Variants in ARHGAP24 observed in about 807,000 individuals in gnomAD.
The protein encoded by ARHGAP24 is Rho GTPase activating protein 24.
ARHGAP24 carries 50 observed loss-of-function variants against 76.4 expected under a neutral mutation model. The observed-to-expected ratio is 0.65, with a 90% CI of 0.52 to 0.83. The LOEUF (loss-of-function observed/expected upper bound fraction) is 0.83, where lower values mean the gene tolerates loss of function less well. Among genes scored for constraint, ARHGAP24 ranks in the 40% least tolerant of loss-of-function variants. The pLI is 0.00. For missense variants in ARHGAP24, 930 were observed against 914.2 expected (o/e 1.02, Z -0.22); for synonymous variants, 345 against 323.3 (o/e 1.07, Z -0.72).
chr4:85,786,621 T>C lies in ARHGAP24; in HGVS notation c.268+64649T>C, dbSNP rs372367154. Among the ~76,000 whole-genome samples, 36 of 152,248 alleles carry C rather than the reference T, an allele frequency of 2.4e-4. No homozygotes were observed. The East Asian group carries it at 5.8e-3, about 24-fold the overall frequency. ...TATTAACATGATATTGTGGCAGTTT[T>C]ATAATATGAAGTACTGTATCTCTTA... On this transcript the variant is annotated intron_variant, in intron 3 of 9. Coordinates refer to ENST00000395184, the MANE Select transcript of ARHGAP24 (RefSeq NM_001025616.3).
At chr4:85,548,063 T>C (rs899801048) in intron 1 of ARHGAP24, among the ~76,000 whole-genome samples, 3 of 136,218 alleles carry the variant, frequency 2.2e-5, no homozygotes, top group African/African-American at 7.4e-5. Flanking sequence ...CGTAAATATT[T>C]AAATACTATT....
intron 2 of ARHGAP24, among the ~76,000 whole-genome samples, chr4:85,698,742 G>A (rs1271563411): frequency 6.6e-6 from 1 of 152,166 alleles, no homozygotes; most frequent in Non-Finnish European, 1.5e-5. Context: ...GTCCTCCCAT[G>A]ACAAAGAGCG....
intron 3 of ARHGAP24, among the ~76,000 whole-genome samples, chr4:85,784,931 CT>C (rs796901355): frequency 1.7e-3 from 258 of 151,342 alleles, no homozygotes; most frequent in African/African-American, 5.9e-3. Context: ...ATCTATCTAT[CT>C]ATCTATCTAT....
At chr4:85,638,167 T>G (rs1185419459) in intron 2 of ARHGAP24, among the ~76,000 whole-genome samples, 1 of 152,164 alleles carries the variant, frequency 6.6e-6, no homozygotes, top group Non-Finnish European at 1.5e-5. Context: ...CAGCCCTGAT[T>G]TAAGAACTGC....
chr4:85,539,594 T>C (rs1430923179), intron 1 of ARHGAP24, among the ~76,000 whole-genome samples: 1 of 152,208 alleles, frequency 6.6e-6, no homozygotes, highest in Non-Finnish European at 1.5e-5. Flanking sequence ...TAGGCTTTTC[T>C]AGGCTAAATT....
intron 2 of ARHGAP24, among the ~76,000 whole-genome samples, chr4:85,584,483 C>G (rs935290155): frequency 6.6e-6 from 1 of 151,312 alleles, no homozygotes. Context: ...GGAGATATAC[C>G]TAATGCTAAA....
intron 2 of ARHGAP24, among the ~76,000 whole-genome samples, chr4:85,625,735 C>T (rs1044097144): frequency 2.0e-5 from 3 of 152,128 alleles, no homozygotes; most frequent in African/African-American, 7.2e-5. Context: ...TAAGGACTTG[C>T]TTTATGAATC....
chr4:85,624,297 C>T (rs375819879), intron 2 of ARHGAP24, among the ~76,000 whole-genome samples: 76 of 151,980 alleles, frequency 5.0e-4, no homozygotes, highest in Admixed American at 1.5e-3. Context: ...TAGCATGAAG[C>T]GTTGTTGAAT....
chr4:85,629,940 T>C (rs1268883046), intron 2 of ARHGAP24, among the ~76,000 whole-genome samples: 5 of 152,122 alleles, frequency 3.3e-5, no homozygotes, highest in Non-Finnish European at 7.4e-5. Flanking sequence ...ACCCCTTTTC[T>C]TTCTCTGCTT....
At chr4:85,753,790 G>A (rs1429058585) in intron 3 of ARHGAP24, among the ~76,000 whole-genome samples, 1 of 152,040 alleles carries the variant, frequency 6.6e-6, no homozygotes, top group African/African-American at 2.4e-5. Flanking sequence ...TATCATAATT[G>A]TGCATATTTT....
chr4:85,730,327 T>C (rs1393033365), intron 3 of ARHGAP24, among the ~76,000 whole-genome samples: 1 of 152,230 alleles, frequency 6.6e-6, no homozygotes, highest in Non-Finnish European at 1.5e-5. Flanking sequence ...ACAAATATTC[T>C]GAGATTGAAG....
chr4:85,539,895 A>C (rs1345353411), intron 1 of ARHGAP24, among the ~76,000 whole-genome samples: 2 of 152,110 alleles, frequency 1.3e-5, no homozygotes, highest in Non-Finnish European at 2.9e-5. Flanking sequence ...CTCTACAAAA[A>C]TTAGCTGGGT....
intron 2 of ARHGAP24, among the ~76,000 whole-genome samples, chr4:85,572,860 A>ATTCTTTTTTCT (rs1311934414): frequency 6.9e-6 from 1 of 145,746 alleles, no homozygotes; most frequent in Non-Finnish European, 1.5e-5. Flanking sequence ...AAATAACTTT[A>ATTCTTTTTTCT]TTCTTTTTTC....
chr4:85,537,258 C>G (rs10516751), intron 1 of ARHGAP24, among the ~76,000 whole-genome samples: 18,770 of 152,046 alleles, frequency 0.12, 3,263 homozygotes, highest in African/African-American at 0.39. Flanking sequence ...CCATCTGGTT[C>G]GTAAGATAAG....
chr4:85,784,935 CT>C (rs1336457340), intron 3 of ARHGAP24, among the ~76,000 whole-genome samples: 14 of 150,984 alleles, frequency 9.3e-5, no homozygotes, highest in African/African-American at 3.4e-4. Flanking sequence ...ATCTATCTAT[CT>C]ATCTATCTAT....
chr4:85,687,461 T>G (rs971011468), intron 2 of ARHGAP24, among the ~76,000 whole-genome samples: 1 of 152,180 alleles, frequency 6.6e-6, no homozygotes, highest in Non-Finnish European at 1.5e-5. Flanking sequence ...TGTCTGTTGT[T>G]CCCATGTATT....
chr4:85,843,910 A>G (rs1379122447), intron 3 of ARHGAP24, among the ~76,000 whole-genome samples: 2 of 152,172 alleles, frequency 1.3e-5, no homozygotes, highest in African/African-American at 2.4e-5. Flanking sequence ...AGCTAAATGT[A>G]TAAAATTTTA....
At chr4:85,974,421 T>A (rs935425123) in intron 6 of ARHGAP24, among the ~76,000 whole-genome samples, 3 of 152,202 alleles carry the variant, frequency 2.0e-5, no homozygotes, top group African/African-American at 7.2e-5. Context: ...CTTGTGAAAT[T>A]TCCAGAAAGA....
chr4:85,592,135 G>T (rs1728139161), intron 2 of ARHGAP24, among the ~76,000 whole-genome samples: 1 of 152,160 alleles, frequency 6.6e-6, no homozygotes, highest in African/African-American at 2.4e-5. Flanking sequence ...CCACTGGCCT[G>T]ACAAAGAACT....
Sources: allele counts gnomAD v4.1 joint callset (sites outside exome capture counted in the v4.1 genomes callset), GRCh38; gene constraint gnomAD v4.1.1; transcripts MANE v1.5; gene names NCBI Gene and HGNC (gene_info 2026-07-23, HGNC 2026-07-21).